The following CTNNA2 variants were observed in gnomAD, a reference collection of about 807,000 sequenced individuals.
CTNNA2 encodes the protein catenin alpha-2.
In CTNNA2, 42 loss-of-function variants were observed where a neutral mutation model predicts 101.0. The ratio of observed to expected loss-of-function variants is 0.42; its 90% CI spans 0.32 to 0.54. The LOEUF is 0.54. CTNNA2 is among the 20% of genes least tolerant of loss of function. The probability of loss-of-function intolerance (pLI) is 0.14; values close to 1 mark genes in which losing one functional copy is unlikely to be tolerated. For synonymous variants in CTNNA2, 450 were observed against 456.4 expected, an observed-to-expected ratio of 0.99 and a Z score of 0.18; for missense variants, 871 against 1,223.1, an observed-to-expected ratio of 0.71 and a Z score of 4.29.
At chr2:80,304,935 G>T (rs957865472) in intron 7 of CTNNA2, 6 of 306,606 alleles carry the variant, frequency 2.0e-5, no homozygotes, top group Admixed American at 6.5e-5. Context: ...AAAAAAGGAG[G>T]GGGGAGGGAG....
intron 2 of CTNNA2, among the ~76,000 whole-genome samples, chr2:79,294,247 G>A (rs893307048): frequency 4.3e-5 from 6 of 140,768 alleles, no homozygotes; most frequent in African/African-American, 7.8e-5. Flanking sequence ...AAGAGGAGGA[G>A]GAGGAGGAGG....
At chr2:79,285,504 G>A (rs373756621) in intron 2 of CTNNA2, among the ~76,000 whole-genome samples, 14 of 140,830 alleles carry the variant, frequency 9.9e-5, no homozygotes, top group Admixed American at 3.6e-4. Context: ...CCTTCATTTC[G>A]TTATGTACCC....
At chr2:79,303,313 C>T (rs1456572461) in intron 2 of CTNNA2, among the ~76,000 whole-genome samples, 1 of 152,134 alleles carries the variant, frequency 6.6e-6, no homozygotes. Context: ...CCCAGGGACA[C>T]CCCGAAACAA....
chr2:79,926,636 G>T (rs925369728), intron 7 of CTNNA2, among the ~76,000 whole-genome samples: 5 of 151,958 alleles, frequency 3.3e-5, no homozygotes, highest in Non-Finnish European at 4.4e-5. Flanking sequence ...AATGTGTATA[G>T]TTATTATAGT....
At chr2:79,884,317 T>C (rs186337456) in intron 6 of CTNNA2, among the ~76,000 whole-genome samples, 158 of 152,288 alleles carry the variant, frequency 1.0e-3, no homozygotes, top group East Asian at 4.8e-3. Flanking sequence ...AAATAAAGCA[T>C]TGGGCTGCTA....
chr2:80,172,511 C>T (rs933911842), intron 7 of CTNNA2, among the ~76,000 whole-genome samples: 1 of 152,184 alleles, frequency 6.6e-6, no homozygotes, highest in Admixed American at 6.5e-5. Flanking sequence ...AGACCAATAG[C>T]ATCAGCATCA....
At chr2:80,168,367 C>T (rs1175938154) in intron 7 of CTNNA2, among the ~76,000 whole-genome samples, 1 of 152,070 alleles carries the variant, frequency 6.6e-6, no homozygotes, top group Non-Finnish European at 1.5e-5. Context: ...AAGAAAATAT[C>T]TATAAAAGCC....
chr2:79,907,925 A>G (rs756188018), intron 6 of CTNNA2, among the ~76,000 whole-genome samples: 1 of 152,172 alleles, frequency 6.6e-6, no homozygotes, highest in Non-Finnish European at 1.5e-5. Context: ...TTAAGACTTC[A>G]ACATTCTTGT....
At chr2:79,489,532 G>C (rs770940882) in intron 4 of CTNNA2, among the ~76,000 whole-genome samples, 1 of 152,184 alleles carries the variant, frequency 6.6e-6, no homozygotes, top group Middle Eastern at 3.2e-3. Context: ...GGTAAGCAGG[G>C]CTTGGAGTTG....
At chr2:79,744,960 G>A (rs1229177082) in intron 3 of CTNNA2, among the ~76,000 whole-genome samples, 1 of 152,162 alleles carries the variant, frequency 6.6e-6, no homozygotes, top group Admixed American at 6.5e-5. Context: ...AGTATTATAA[G>A]AGAATTATTC....
intron 7 of CTNNA2, among the ~76,000 whole-genome samples, chr2:80,126,475 C>G (rs927774652): frequency 1.3e-5 from 2 of 151,966 alleles, no homozygotes; most frequent in Non-Finnish European, 2.9e-5. Context: ...CTCTCTCTCT[C>G]TCTCTGTCTT....
intron 6 of CTNNA2, among the ~76,000 whole-genome samples, chr2:79,894,353 T>A (rs185680652): frequency 1.6e-4 from 22 of 140,392 alleles, no homozygotes; most frequent in African/African-American, 5.8e-4. Flanking sequence ...ACTCCTTCCC[T>A]CTGTATTCCA....
At position 80,369,617 on chromosome 2, in the gene CTNNA2, T is replaced by TATG. The variant is rs1395051103; in HGVS notation, c.1057-23593_1057-23591dup. On this transcript the variant is annotated intron_variant, in intron 7 of 18. Transcript: ENST00000402739. ...TGGAACCCATGAATATGTTACCTTA[T>TATG]ATGGAAAAGGAATTTCACAGATGTG... Among the ~76,000 whole-genome samples the TATG allele has an allele frequency of 2.6e-5, 4 of 152,240 alleles. No homozygotes were observed. In the East Asian group the frequency reaches 7.7e-4, roughly 29 times the overall value.
At chr2:79,739,033 A>G (rs753648776) in intron 2 of CTNNA2, among the ~76,000 whole-genome samples, 7 of 150,426 alleles carry the variant, frequency 4.7e-5, no homozygotes, top group Non-Finnish European at 8.9e-5. Context: ...GTCAATATTC[A>G]TGCTATTACT....
chr2:80,258,078 A>G (rs1350217007), intron 7 of CTNNA2, among the ~76,000 whole-genome samples: 1 of 152,186 alleles, frequency 6.6e-6, no homozygotes, highest in East Asian at 1.9e-4. Flanking sequence ...GGTTTTAACA[A>G]TCTAACATTT....
At chr2:79,510,138 T>G (rs887882941), upstream of CTNNA2, among the ~76,000 whole-genome samples, 4 of 152,292 alleles carry the variant, frequency 2.6e-5, no homozygotes, top group African/African-American at 9.6e-5. Flanking sequence ...ACATACAGGA[T>G]CTTCTGCATT....
chr2:79,379,703 C>G (rs894047679), intron 4 of CTNNA2, among the ~76,000 whole-genome samples: 10 of 152,158 alleles, frequency 6.6e-5, no homozygotes, highest in African/African-American at 2.4e-4. Flanking sequence ...CACACAAATA[C>G]AAATCCTAAA....
At chr2:80,152,157 T>C (rs774253629) in intron 7 of CTNNA2, among the ~76,000 whole-genome samples, 1 of 152,212 alleles carries the variant, frequency 6.6e-6, no homozygotes, top group South Asian at 2.1e-4. Flanking sequence ...TAGACTGTGG[T>C]TTCATACGAT....
At chr2:79,826,831 T>G (rs1325590350) in intron 3 of CTNNA2, among the ~76,000 whole-genome samples, 1 of 152,114 alleles carries the variant, frequency 6.6e-6, no homozygotes, top group African/African-American at 2.4e-5. Flanking sequence ...AACTTTTCAT[T>G]TGGGCTTAAA....
Sources: gnomAD v4.1 joint callset for allele counts (sites outside exome capture counted in the v4.1 genomes callset) on GRCh38, gnomAD v4.1.1 for gene constraint, MANE v1.5 for transcripts, NCBI Gene and HGNC (gene_info 2026-07-23, HGNC 2026-07-21) for gene names.